CDK13: variants seen among roughly 807,000 people sequenced by gnomAD.
CDK13 encodes cyclin-dependent kinase 13.
Under a neutral mutation model 137.6 loss-of-function variants are expected in CDK13, and 40 were observed. The ratio of observed to expected loss-of-function variants is 0.29; its 90% confidence interval spans 0.23 to 0.38. The LOEUF (loss-of-function observed/expected upper bound fraction) is 0.38, where lower values mean the gene tolerates loss of function less well. CDK13 is among the 10% of genes least tolerant of loss of function. The pLI, the probability that CDK13 is intolerant of heterozygous loss-of-function variation, is 1.00. For missense variants in CDK13, 1,704 were observed against 1,951.8 expected, an observed-to-expected ratio of 0.87 and a Z score of 2.39; for synonymous variants, 869 against 760.1, an observed-to-expected ratio of 1.14 and a Z score of -2.36.
At chr7:40,073,723 CTG>C (rs1786475982) in intron 9 of CDK13, 1 of 151,068 alleles carries the variant, frequency 6.6e-6, no homozygotes, top group Non-Finnish European at 1.5e-5. Flanking sequence ...TCCTGAGTAA[CTG>C]GGACTAGAGG....
intron 5 of CDK13, among the ~76,000 whole-genome samples, chr7:40,011,018 A>G (rs2116363096): frequency 6.6e-6 from 1 of 152,372 alleles, no homozygotes; most frequent in Admixed American, 6.5e-5. Flanking sequence ...ATGAAAAGGC[A>G]TTCCATGTTC....
At chr7:39,959,250 C>T (rs1441331366) in intron 1 of CDK13, among the ~76,000 whole-genome samples, 8 of 151,822 alleles carry the variant, frequency 5.3e-5, no homozygotes, top group Non-Finnish European at 1.2e-4. Context: ...CAACCTCTGC[C>T]TCCCGGGTTC....
At chr7:40,078,912 A>T in intron 11 of CDK13, 61 bp downstream of exon 11, 4 of 599,046 alleles carry the variant, frequency 6.7e-6, no homozygotes, top group Non-Finnish European at 9.1e-6. Flanking sequence ...ATATTAAAAC[A>T]GTTTTAATAA....
chr7:39,960,882 T>A (rs1233081870), intron 1 of CDK13, among the ~76,000 whole-genome samples: 4 of 152,142 alleles, frequency 2.6e-5, no homozygotes, highest in Non-Finnish European at 5.9e-5. Context: ...GCCAATTTAT[T>A]TTTTATTGAC....
At chr7:40,071,334 G>A (rs938945415) in intron 9 of CDK13, 1 of 152,094 alleles carries the variant, frequency 6.6e-6, no homozygotes, top group Non-Finnish European at 1.5e-5. Flanking sequence ...AGTCTATAAC[G>A]TCTATAGTTT....
At chr7:39,973,476 G>A (rs1053204303) in intron 1 of CDK13, among the ~76,000 whole-genome samples, 1 of 152,026 alleles carries the variant, frequency 6.6e-6, no homozygotes, top group Non-Finnish European at 1.5e-5. Context: ...TCTTATTATA[G>A]GATCTTAAGA....
intron 1 of CDK13, among the ~76,000 whole-genome samples, chr7:39,975,710 A>G (rs960775722): frequency 3.3e-5 from 5 of 152,246 alleles, no homozygotes; most frequent in East Asian, 1.9e-4. Flanking sequence ...CACCAAGTCA[A>G]GAAGAAGCTT....
rs981506238 is a variant in CDK13 at position 39,987,789 on chromosome 7, G to A, written c.1402G>A (p.Ala468Thr). ...ACGAGCAGCAGAGGCAGCAAGAGCC[G>A]CAGAAGCAGCGAAAGCTGCAGAAGC... is the stretch of plus-strand genomic sequence containing the variant. ...KARAAEAARA[A>T]EAAKAAEATK... is the part of the protein sequence containing the mutation. The change falls in exon 2 of 14, where the codon GCA becomes ACA. Residue 468 changes from alanine (A) to threonine (T), a missense_variant. Ala to Thr is a moderately conservative substitution (Grantham distance 58). This residue lies in a region of CDK13 where 1,051 missense variants were observed against 931.0 expected (regional missense o/e 1.13). Transcript: ENST00000181839. 1.3e-5 allele frequency: 21 copies of A among 1,613,716 alleles called. No homozygotes were observed. Among genetic ancestry groups the A allele is most frequent in the African/African-American group, 4.0e-5 (3 of 74,854 alleles).
At chr7:40,010,770 A>G (rs1022725896) in intron 5 of CDK13, among the ~76,000 whole-genome samples, 6 of 152,220 alleles carry the variant, frequency 3.9e-5, no homozygotes, top group Admixed American at 3.9e-4. Context: ...GGCCAGTACT[A>G]GGATTGGGGA....
intron 4 of CDK13, among the ~76,000 whole-genome samples, 196 bp from the exon 5 acceptor site, chr7:40,001,665 A>G (rs1010270505): frequency 1.3e-5 from 2 of 152,192 alleles, no homozygotes; most frequent in Non-Finnish European, 2.9e-5. Flanking sequence ...TTATGTAAAT[A>G]TTCCATAATT....
chr7:40,031,392 C>T (rs1293428595), intron 5 of CDK13, among the ~76,000 whole-genome samples: 1 of 151,970 alleles, frequency 6.6e-6, no homozygotes, highest in African/African-American at 2.4e-5. Context: ...CGTGGTGGCA[C>T]GTGCCTGCAG....
At chr7:40,071,908 AGTTT>A (rs1217999551) in intron 9 of CDK13, 1 of 152,142 alleles carries the variant, frequency 6.6e-6, no homozygotes, top group East Asian at 1.9e-4. Flanking sequence ...GGATGACTGT[AGTTT>A]GTTAGTTTTC....
intron 11 of CDK13, among the ~76,000 whole-genome samples, chr7:40,087,543 GGT>G (rs1370792858): frequency 1.1e-4 from 15 of 136,556 alleles, no homozygotes; most frequent in African/African-American, 4.1e-4. Context: ...CAGCAATAGT[GGT>G]GTTTTTTTTT....
At chr7:39,999,575 C>G in intron 4 of CDK13, 75 bp downstream of exon 4, 1 of 1,414,676 alleles carries the variant, frequency 7.1e-7, no homozygotes, top group Non-Finnish European at 9.5e-7. Flanking sequence ...TGATGTTTGG[C>G]TTCAGAAATT....
At chr7:40,051,714 T>A (rs1423778680) in intron 7 of CDK13, among the ~76,000 whole-genome samples, 4 of 152,164 alleles carry the variant, frequency 2.6e-5, no homozygotes, top group Admixed American at 2.6e-4. Context: ...TTTTTTGAAT[T>A]TGAGGAAAGC....
At chr7:40,090,397 A>G (rs1786894738) in intron 12 of CDK13, among the ~76,000 whole-genome samples, 1 of 152,160 alleles carries the variant, frequency 6.6e-6, no homozygotes, top group African/African-American at 2.4e-5. Flanking sequence ...TCTGTCACCC[A>G]GGCTGGAGTA....
intron 10 of CDK13, chr7:40,078,355 A>T (rs1348374657): frequency 2.7e-6 from 1 of 365,126 alleles, no homozygotes; most frequent in Admixed American, 4.5e-5. Flanking sequence ...CTTTAATAAG[A>T]TCATTTAAAT....
intron 1 of CDK13, among the ~76,000 whole-genome samples, chr7:39,968,126 T>G (rs1783913501): frequency 6.6e-6 from 1 of 152,246 alleles, no homozygotes; most frequent in Non-Finnish European, 1.5e-5. Context: ...TAATATATTT[T>G]GAATATTAAT....
intron 5 of CDK13, among the ~76,000 whole-genome samples, chr7:40,045,369 G>T (rs985486092): frequency 1.3e-5 from 2 of 150,162 alleles, no homozygotes; most frequent in Non-Finnish European, 3.0e-5. Context: ...TGTATAAACA[G>T]AATTAAATTA....
Sources: allele counts gnomAD v4.1 joint callset (sites outside exome capture counted in the v4.1 genomes callset), GRCh38; gene constraint gnomAD v4.1.1; regional missense constraint gnomAD v4.1.1; transcripts MANE v1.5; gene names NCBI Gene and HGNC (gene_info 2026-07-23, HGNC 2026-07-21).